The following ZNF574 variants were observed in gnomAD, a reference collection of about 807,000 sequenced individuals.
ZNF574 encodes the protein zinc finger protein 574.
Under a neutral mutation model 56.6 loss-of-function variants are expected in ZNF574, and 25 were observed. The ratio of observed to expected loss-of-function variants is 0.44; its 90% CI spans 0.32 to 0.62. ZNF574 has a LOEUF of 0.62. Ranked by LOEUF, ZNF574 falls within the 20% of genes least tolerant of loss-of-function variation. The pLI is 0.04. For synonymous variants in ZNF574, 543 were observed against 492.1 expected, an observed-to-expected ratio of 1.10 and a Z score of -1.37; for missense variants, 1,065 against 1,218.9, an observed-to-expected ratio of 0.87 and a Z score of 1.88.
intron 1 of ZNF574, chr19:42,070,949 C>T (rs1218122705): frequency 6.6e-6 from 1 of 152,614 alleles, no homozygotes; most frequent in African/African-American, 2.4e-5. Context: ...CAGGAGCTGC[C>T]AGCCTGGAGA....
At chr19:42,071,518 G>C (rs530739258), upstream of ZNF574, among the ~76,000 whole-genome samples, 275 of 152,098 alleles carry the variant, frequency 1.8e-3, 3 homozygotes, top group Middle Eastern at 3.4e-3. Context: ...CTGGCATGTG[G>C]GGCATCCTGG....
At position 42,079,715 on chromosome 19, in the gene ZNF574, G is replaced by A; in HGVS notation, c.1109G>A (p.Gly370Asp). The A allele has an allele frequency of 6.2e-7, 1 of 1,614,174 alleles. No homozygotes were observed. Among genetic ancestry groups the A allele is most frequent in the South Asian group, 1.1e-5 (1 of 91,082 alleles). Residue 370 changes from glycine (G) to aspartate (D), a missense_variant, in exon 2 of 2, where the codon GGC (glycine) becomes GAC (aspartate). Coordinates refer to ENST00000359044, the MANE Select transcript of ZNF574 (RefSeq NM_022752.6). This position sits in a 1 kb window ranked among gnomAD's most constrained non-coding sequence, Gnocchi z 4.3. ...TCACACTTCCTGTGTGTAGACTGTG[G>A]CCTGGCCTTCGGCACAGAGGCCCTC... ...SESHFLCVDCGLAFGTEALLL... is the reference protein window; with the variant it reads ...SESHFLCVDCDLAFGTEALLL...
At chr19:42,069,112 C>T (rs1320887512) in intron 1 of ZNF574, 7 of 427,266 alleles carry the variant, frequency 1.6e-5, no homozygotes, top group Non-Finnish European at 2.9e-5. Context: ...CAGAGCAGGC[C>T]CCTAGTGGGG....
rs570404230 is a variant in ZNF574, at chr19:42,079,088, T to C, written c.482T>C (p.Val161Ala). ...CCCACCAAGGCTCCTGCCCCTGTTGTCCTGGGGTCCCCAGTTGTTCTAGGG... is the reference window on the plus strand; with the variant it reads ...CCCACCAAGGCTCCTGCCCCTGTTGCCCTGGGGTCCCCAGTTGTTCTAGGG... ...ATPTKAPAPV[V>A]LGSPVVLGPP... Residue 161 changes from valine to alanine, a missense_variant, in exon 2 of 2, where the codon GTC (valine) becomes GCC (alanine). Transcript: ENST00000359044. The surrounding 1 kb of genome is among the most constrained non-coding windows in gnomAD (Gnocchi z 4.3). The C allele has an allele frequency of 6.2e-7, 1 of 1,614,162 alleles. No homozygotes were observed. The highest frequency in any genetic ancestry group is 1.1e-5 in the South Asian group (1 of 91,084).
chr19:42,074,195 G>A (rs1445170395), upstream of ZNF574, among the ~76,000 whole-genome samples: 3 of 151,304 alleles, frequency 2.0e-5, no homozygotes, highest in African/African-American at 7.3e-5. Flanking sequence ...AGTGGCTCAC[G>A]CCTGTAATCC....
At chr19:42,076,877 C>G (rs369706192) in intron 1 of ZNF574, among the ~76,000 whole-genome samples, 1 of 152,034 alleles carries the variant, frequency 6.6e-6, no homozygotes, top group Non-Finnish European at 1.5e-5. Flanking sequence ...GTGAAGAGGC[C>G]TTAAACCAAT....
In ZNF574 at chr19:42,081,377, C is replaced by T. The variant is rs1339206302; in HGVS notation, c.*80C>T. ...GCATCCCCTTAAGCATCTGTACATA[C>T]TGTGTCCCTTCCTCTTCCCATCCCC... On this transcript the variant is annotated 3_prime_UTR_variant, in exon 2 of 2. Coordinates refer to ENST00000359044, the MANE Select transcript of ZNF574 (RefSeq NM_022752.6). The T allele has an allele frequency of 6.4e-7, 1 of 1,551,160 alleles. No individual in the cohort carries two copies. The highest frequency in any genetic ancestry group is 1.4e-5 in the African/African-American group (1 of 73,668).
At position 42,076,236 on chromosome 19, in the gene ZNF574, T is replaced by G. The variant is rs2076454276; in HGVS notation, c.-71T>G. On this transcript the variant is annotated 5_prime_UTR_variant, in exon 1 of 2. Coordinates refer to ENST00000359044, the MANE Select transcript of ZNF574 (RefSeq NM_022752.6). ...AGCGGGCGCAGCGTTAGGGTGGCCG[T>G]GCAAGGGGAGCCGTGGCCCGGGCCC... 6.6e-6 allele frequency: 1 copy of G among 151,842 alleles called. No individual in the cohort carries two copies. Among genetic ancestry groups the G allele is most frequent in the Non-Finnish European group, 1.5e-5 (1 of 68,004 alleles). The allele number at this position is 151,842 out of a possible 1,614,324, so 9.4% of individuals were successfully genotyped here. A position where few individuals can be genotyped will look rare whatever the true frequency, so the allele number is the denominator to read the frequency against.
At chr19:42,073,567 T>C (rs1390418344), upstream of ZNF574, among the ~76,000 whole-genome samples, 1 of 149,282 alleles carries the variant, frequency 6.7e-6, no homozygotes, top group African/African-American at 2.5e-5. Flanking sequence ...ATGCCTGTAA[T>C]CCCAGCACTT....
chr19:42,070,929 G>A (rs983594072), intron 1 of ZNF574: 1 of 152,548 alleles, frequency 6.6e-6, no homozygotes, highest in African/African-American at 2.4e-5. Context: ...ACACAAGAGA[G>A]CCACTGAGGC....
Position 42,078,801 on chromosome 19 carries a change from C to G in ZNF574, c.195C>G (p.Gly65=), listed in dbSNP as rs2076473338. ...TVATDTASGT[G]LYQTLVQESQ... The stretch of plus-strand genomic sequence containing the variant: ...CCACAGACACAGCTTCAGGCACGGG[C>G]CTCTATCAGACCCTTGTGCAGGAGA... Residue 65 remains glycine (G), a synonymous_variant, in exon 2 of 2, where the codon GGC becomes GGG. Coordinates refer to ENST00000359044, the MANE Select transcript of ZNF574 (RefSeq NM_022752.6). The G allele has an allele frequency of 6.2e-7, 1 of 1,614,062 alleles. No homozygotes were observed. Among genetic ancestry groups the G allele is most frequent in the Non-Finnish European group, 8.5e-7 (1 of 1,179,976 alleles).
At position 42,080,364 on chromosome 19, in the gene ZNF574, G is replaced by C; in HGVS notation, c.1758G>C (p.Val586=). ...HFPYRCQECG[V]RFHRPYRLLM... is the part of the protein sequence containing the mutation. The stretch of plus-strand genomic sequence containing the variant: ...CCTACCGCTGCCAGGAATGTGGGGT[G>C]CGTTTTCACCGTCCTTACCGCCTGC... Residue 586 remains valine (V), a synonymous_variant, in exon 2 of 2, where the codon GTG becomes GTC. Coordinates refer to ENST00000359044, the MANE Select transcript of ZNF574 (RefSeq NM_022752.6). The surrounding 1 kb of genome is among the most constrained non-coding windows in gnomAD (Gnocchi z 8.5). 1 of 1,614,226 alleles carries C rather than the reference G, an allele frequency of 6.2e-7. No individual in the cohort carries two copies. Among genetic ancestry groups the C allele is most frequent in the Non-Finnish European group, 8.5e-7 (1 of 1,180,038 alleles).
chr19:42,076,101 T>A (rs1180047240), upstream of ZNF574: 1 of 152,364 alleles, frequency 6.6e-6, no homozygotes. Flanking sequence ...ATTGGTTGCG[T>A]CCGGCCGTCC....
Position 42,078,616 on chromosome 19 carries a change from G to A in ZNF574, c.10G>A (p.Glu4Lys). ...GGGCCTTGCTGCCGCCATGACTGAG[G>A]AATCAGAGGAGACAGTCCTGTACAT... MTE[E>K]SEETVLYIEH... is the part of the protein sequence containing the mutation. The change falls in exon 2 of 2, where the codon GAA becomes AAA. Residue 4 changes from glutamate to lysine, a missense_variant. Transcript: ENST00000359044. The A allele has an allele frequency of 2.5e-6, 4 of 1,608,820 alleles. No individual in the cohort carries two copies. The highest frequency in any genetic ancestry group is 3.4e-6 in the Non-Finnish European group (4 of 1,175,930).
rs919160273 is a variant in ZNF574, at chr19:42,080,529, T to C, written c.1923T>C (p.Cys641=). ...GCCAGCCCCACCGCTGCCCATCCTGTGGGGCTGCCTTCCCCTCCTCACTGC... is the reference window on the plus strand; with the variant it reads ...GCCAGCCCCACCGCTGCCCATCCTGCGGGGCTGCCTTCCCCTCCTCACTGC... ...AGRQPHRCPS[C]GAAFPSSLRL... The change falls in exon 2 of 2, where the codon TGT becomes TGC. Residue 641 remains cysteine (C), a synonymous_variant. Transcript: ENST00000359044. This position sits in a 1 kb window ranked among gnomAD's most constrained non-coding sequence, Gnocchi z 8.5. 2 of 1,613,488 alleles carry C rather than the reference T, an allele frequency of 1.2e-6. No individual in the cohort carries two copies. Among genetic ancestry groups the C allele is most frequent in the Non-Finnish European group, 8.5e-7 (1 of 1,179,860 alleles).
chr19:42,077,342 G>A (rs2076463110), intron 1 of ZNF574, among the ~76,000 whole-genome samples: 1 of 152,270 alleles, frequency 6.6e-6, no homozygotes, highest in South Asian at 2.1e-4. Flanking sequence ...AGATGGGTGT[G>A]TGGATCTTTA....
upstream of ZNF574, among the ~76,000 whole-genome samples, chr19:42,071,768 C>T (rs1485943450): frequency 6.6e-6 from 1 of 152,146 alleles, no homozygotes; most frequent in African/African-American, 2.4e-5. Flanking sequence ...CTTTGGAAGG[C>T]CGGGGCAGGT....
chr19:42,079,512 C>T lies in ZNF574; in HGVS notation c.906C>T (p.Gly302=), dbSNP rs199767748. The change falls in exon 2 of 2, where the codon GGC becomes GGT. Residue 302 remains glycine (G), a synonymous_variant. Transcript: ENST00000359044. This position sits in a 1 kb window ranked among gnomAD's most constrained non-coding sequence, Gnocchi z 4.3. Reference sequence around the variant, plus strand: ...GGAGGAACAACAGTGGAGAAGCAGGCGGGGCAGCCACACAGGAGCTCTTCT... The same window carrying T: ...GGAGGAACAACAGTGGAGAAGCAGGTGGGGCAGCCACACAGGAGCTCTTCT... The part of the protein sequence containing the change: ...RARRNNSGEA[G]GAATQELFCS... 5.6e-5 allele frequency: 90 copies of T among 1,613,862 alleles called. No homozygotes were observed. The highest frequency in any genetic ancestry group is 4.9e-4 in the African/African-American group (37 of 75,062).
chr19:42,075,777 T>C (rs1424828248), upstream of ZNF574, among the ~76,000 whole-genome samples: 2 of 127,138 alleles, frequency 1.6e-5, no homozygotes, highest in Non-Finnish European at 1.9e-5. Context: ...CCTCTCCCTG[T>C]CCCCAACGCT....
Sources: allele counts gnomAD v4.1 joint callset (sites outside exome capture counted in the v4.1 genomes callset), GRCh38; gene constraint gnomAD v4.1.1; non-coding constraint Gnocchi (gnomAD v3.1); transcripts MANE v1.5; gene names NCBI Gene and HGNC (gene_info 2026-07-23, HGNC 2026-07-21).